The following LUZP2 variants were observed in gnomAD, a reference collection of about 807,000 sequenced individuals.
LUZP2 encodes leucine zipper protein 2.
A neutral mutation model predicts 51.6 loss-of-function variants in LUZP2; 52 were observed. That is an observed-to-expected ratio of 1.01 (90% CI 0.81 to 1.27). The LOEUF (loss-of-function observed/expected upper bound fraction) is 1.27, where lower values mean the gene tolerates loss of function less well. Ranked by LOEUF, LUZP2 falls within the 50% of genes most tolerant of loss-of-function variation. The probability of loss-of-function intolerance (pLI) is 0.00; values close to 1 mark genes in which losing one functional copy is unlikely to be tolerated. For synonymous variants in LUZP2, 154 were observed against 137.3 expected (o/e 1.12, Z -0.85); for missense variants, 436 against 395.4 (o/e 1.10, Z -0.87).
At chr11:24,748,432 C>T (rs1455993205) in intron 4 of LUZP2, among the ~76,000 whole-genome samples, 1 of 151,266 alleles carries the variant, frequency 6.6e-6, no homozygotes, top group Non-Finnish European at 1.5e-5. Flanking sequence ...AGTTTGCTTC[C>T]TTTAGAGGGT....
intron 1 of LUZP2, among the ~76,000 whole-genome samples, chr11:24,669,138 G>A (rs1370839809): frequency 1.3e-5 from 2 of 152,106 alleles, no homozygotes; most frequent in Non-Finnish European, 2.9e-5. Flanking sequence ...CTACCTTTGT[G>A]ACATTGGAAA....
At chr11:24,715,277 G>A (rs1857995643) in intron 1 of LUZP2, among the ~76,000 whole-genome samples, 1 of 128,258 alleles carries the variant, frequency 7.8e-6, no homozygotes, top group African/African-American at 2.7e-5. Flanking sequence ...GTGTGTGTGT[G>A]TGTGTGTGTG....
chr11:24,873,995 C>T (rs1464281645), intron 5 of LUZP2, among the ~76,000 whole-genome samples: 3 of 152,030 alleles, frequency 2.0e-5, no homozygotes, highest in Admixed American at 2.0e-4. Context: ...AAAAGATCAA[C>T]CATCCTGCAG....
At chr11:24,853,661 A>G (rs1851462767) in intron 5 of LUZP2, among the ~76,000 whole-genome samples, 1 of 151,904 alleles carries the variant, frequency 6.6e-6, no homozygotes, top group South Asian at 2.1e-4. Flanking sequence ...TTTTGTTCCC[A>G]TGCTGGCAAG....
At chr11:24,959,792 A>C (rs1338011680) in intron 7 of LUZP2, among the ~76,000 whole-genome samples, 3 of 152,144 alleles carry the variant, frequency 2.0e-5, no homozygotes, top group East Asian at 1.9e-4. Flanking sequence ...TACTATGTTG[A>C]ATAGGAGTGG....
chr11:24,622,282 C>A (rs1007905600), intron 1 of LUZP2, among the ~76,000 whole-genome samples: 4 of 151,506 alleles, frequency 2.6e-5, no homozygotes, highest in East Asian at 2.0e-4. Context: ...TCCCCTCTCC[C>A]CCCTCCCCAC....
At chr11:24,898,192 A>G (rs1463539684) in intron 5 of LUZP2, among the ~76,000 whole-genome samples, 3 of 152,222 alleles carry the variant, frequency 2.0e-5, no homozygotes, top group Admixed American at 6.5e-5. Flanking sequence ...AAGAACTTAC[A>G]TAAATTGGAA....
At chr11:24,676,199 A>G (rs529220247) in intron 1 of LUZP2, among the ~76,000 whole-genome samples, 5 of 152,208 alleles carry the variant, frequency 3.3e-5, no homozygotes, top group Non-Finnish European at 7.3e-5. Flanking sequence ...GGCATAATTG[A>G]AAGAGAAGAT....
chr11:24,816,668 A>T (rs74651801), intron 5 of LUZP2, among the ~76,000 whole-genome samples: 1 of 152,108 alleles, frequency 6.6e-6, no homozygotes, highest in African/African-American at 2.4e-5. Flanking sequence ...TTTTACAAAC[A>T]TTAGTTATTT....
chr11:24,972,014 C>A (rs550275888), intron 7 of LUZP2, among the ~76,000 whole-genome samples: 1 of 151,768 alleles, frequency 6.6e-6, no homozygotes, highest in African/African-American at 2.4e-5. Context: ...TGGTGGCATG[C>A]ACCTACAATG....
chr11:25,065,801 A>G (rs777096007), intron 10 of LUZP2, among the ~76,000 whole-genome samples: 5 of 152,060 alleles, frequency 3.3e-5, no homozygotes, highest in Non-Finnish European at 5.9e-5. Flanking sequence ...TCAAAAGATA[A>G]TCTATGAGTC....
At chr11:24,803,031 C>CA in intron 5 of LUZP2, among the ~76,000 whole-genome samples, 1 of 152,004 alleles carries the variant, frequency 6.6e-6, no homozygotes, top group African/African-American at 2.4e-5. Flanking sequence ...GTTATAGCAT[C>CA]AAAAACAGAC....
intron 7 of LUZP2, among the ~76,000 whole-genome samples, chr11:24,918,509 C>T (rs1244579435): frequency 6.6e-6 from 1 of 151,890 alleles, no homozygotes; most frequent in South Asian, 2.1e-4. Context: ...CAAAATTCAA[C>T]AGTGCTTCAT....
At chr11:24,580,576 G>GA (rs1485254347) in intron 1 of LUZP2, among the ~76,000 whole-genome samples, 1 of 151,254 alleles carries the variant, frequency 6.6e-6, no homozygotes, top group Non-Finnish European at 1.5e-5. Context: ...GTCTCACATT[G>GA]AAAAAAGTAT....
chr11:24,939,624 T>G (rs971225445), intron 7 of LUZP2, among the ~76,000 whole-genome samples: 2 of 152,088 alleles, frequency 1.3e-5, no homozygotes, highest in Admixed American at 6.6e-5. Context: ...GAAAATCGTC[T>G]AACAAAATGG....
intron 5 of LUZP2, among the ~76,000 whole-genome samples, chr11:24,771,703 TC>T (rs112592490): frequency 5.1e-4 from 77 of 152,150 alleles, no homozygotes; most frequent in African/African-American, 1.7e-3. Flanking sequence ...TTTGTAATAA[TC>T]CCCACGTGTC....
At chr11:24,572,891 T>C (rs1852489055) in intron 1 of LUZP2, among the ~76,000 whole-genome samples, 1 of 152,054 alleles carries the variant, frequency 6.6e-6, no homozygotes. Context: ...GTTTTTTCAT[T>C]CTGGATTCTG....
intron 1 of LUZP2, among the ~76,000 whole-genome samples, chr11:24,584,889 A>C (rs2133829502): frequency 6.6e-6 from 1 of 152,334 alleles, no homozygotes; most frequent in Non-Finnish European, 1.5e-5. Flanking sequence ...AGATAGAAAA[A>C]TAGCTACCAC....
intron 1 of LUZP2, among the ~76,000 whole-genome samples, chr11:24,535,544 T>C (rs1428050667): frequency 1.3e-5 from 2 of 151,650 alleles, no homozygotes; most frequent in Non-Finnish European, 3.0e-5. Context: ...CTTGCTTTGC[T>C]CATATATCAG....
Sources: gnomAD v4.1 joint callset for allele counts (sites outside exome capture counted in the v4.1 genomes callset) on GRCh38, gnomAD v4.1.1 for gene constraint, MANE v1.5 for transcripts, NCBI Gene and HGNC (gene_info 2026-07-23, HGNC 2026-07-21) for gene names.